CALN1: variants seen among roughly 807,000 people sequenced by gnomAD.
CALN1 encodes calcium-binding protein 8.
Under a neutral mutation model 30.6 loss-of-function variants are expected in CALN1, and 17 were observed. That is an observed-to-expected ratio of 0.56 (90% CI 0.38 to 0.83). The LOEUF (loss-of-function observed/expected upper bound fraction) is 0.83, where lower values mean the gene tolerates loss of function less well. Ranked by LOEUF, CALN1 falls within the 40% of genes least tolerant of loss-of-function variation. The pLI, the probability that CALN1 is intolerant of heterozygous loss-of-function variation, is 0.00. For missense variants in CALN1, 291 were observed against 354.9 expected (o/e 0.82, Z 1.45); for synonymous variants, 156 against 131.4 (o/e 1.19, Z -1.28).
chr7:72,321,725 G>C (rs1225730049), intron 2 of CALN1, among the ~76,000 whole-genome samples: 1 of 152,180 alleles, frequency 6.6e-6, no homozygotes, highest in African/African-American at 2.4e-5. Flanking sequence ...GGAGTCACAG[G>C]TGCCTTTAAC....
intron 6 of CALN1, among the ~76,000 whole-genome samples, chr7:71,801,428 G>GTATC (rs58500083): frequency 0.045 from 3,940 of 87,560 alleles, 163 homozygotes; most frequent in South Asian, 0.093. Flanking sequence ...ATGTATGTAT[G>GTATC]TATCTATCTA....
At chr7:72,078,894 A>G (rs1341697747) in intron 4 of CALN1, among the ~76,000 whole-genome samples, 1 of 152,138 alleles carries the variant, frequency 6.6e-6, no homozygotes, top group Non-Finnish European at 1.5e-5. Flanking sequence ...ACGCCATTGA[A>G]CTACAGCCTG....
chr7:71,986,426 A>C (rs1428708579), intron 5 of CALN1, among the ~76,000 whole-genome samples: 3 of 152,234 alleles, frequency 2.0e-5, no homozygotes, highest in African/African-American at 7.2e-5. Flanking sequence ...TTGCAGTCTT[A>C]CACCATTTAG....
intron 3 of CALN1, among the ~76,000 whole-genome samples, chr7:72,125,882 AACC>A (rs1398478037): frequency 6.8e-6 from 1 of 147,542 alleles, no homozygotes; most frequent in Admixed American, 7.0e-5. Flanking sequence ...GCTCACTGCA[AACC>A]ACCACCTCCC....
chr7:71,960,796 T>C (rs1476664520), intron 5 of CALN1, among the ~76,000 whole-genome samples: 2 of 152,178 alleles, frequency 1.3e-5, no homozygotes, highest in Non-Finnish European at 2.9e-5. Flanking sequence ...CTGGTCGTGA[T>C]ATTAAGACTT....
At chr7:72,159,097 C>T (rs1787921427) in intron 3 of CALN1, among the ~76,000 whole-genome samples, 2 of 152,040 alleles carry the variant, frequency 1.3e-5, no homozygotes, top group Admixed American at 1.3e-4. Flanking sequence ...AGATTTCCAC[C>T]CACCTCAACC....
intron 4 of CALN1, among the ~76,000 whole-genome samples, chr7:72,083,070 G>A (rs984087820): frequency 2.0e-5 from 3 of 151,742 alleles, no homozygotes; most frequent in African/African-American, 4.8e-5. Context: ...GTGTGGTGGC[G>A]GGCGCCTGTA....
chr7:72,031,769 ACTCGCT>A (rs1453080671), intron 4 of CALN1, among the ~76,000 whole-genome samples: 3 of 137,682 alleles, frequency 2.2e-5, no homozygotes, highest in African/African-American at 8.5e-5. Flanking sequence ...TGAGACAGAA[ACTCGCT>A]CTGTCATCCA....
At chr7:72,205,363 GC>G (rs1413522188) in intron 3 of CALN1, among the ~76,000 whole-genome samples, 1 of 150,500 alleles carries the variant, frequency 6.6e-6, no homozygotes, top group African/African-American at 2.4e-5. Context: ...ACCACACCTG[GC>G]TAATTTTTTG....
intron 5 of CALN1, among the ~76,000 whole-genome samples, chr7:71,972,760 C>T (rs571425377): frequency 2.0e-5 from 3 of 152,242 alleles, no homozygotes; most frequent in South Asian, 2.1e-4. Context: ...ATTGATGGGC[C>T]GTTAAGCTCC....
At chr7:72,201,179 A>T (rs1006548066) in intron 3 of CALN1, among the ~76,000 whole-genome samples, 1 of 152,230 alleles carries the variant, frequency 6.6e-6, no homozygotes, top group Non-Finnish European at 1.5e-5. Flanking sequence ...TCAGGAACAG[A>T]AAACCAAATG....
At chr7:72,329,269 C>G (rs1267515096) in intron 2 of CALN1, among the ~76,000 whole-genome samples, 1 of 152,196 alleles carries the variant, frequency 6.6e-6, no homozygotes, top group Non-Finnish European at 1.5e-5. Flanking sequence ...TACTGTTAAA[C>G]ACTACATTTT....
At chr7:72,262,322 C>G (rs554101878) in intron 3 of CALN1, among the ~76,000 whole-genome samples, 2 of 152,324 alleles carry the variant, frequency 1.3e-5, no homozygotes, top group African/African-American at 4.8e-5. Flanking sequence ...CATCGAAACC[C>G]AGGTCTTAGA....
chr7:72,405,076 T>C (rs1585676880), intron 1 of CALN1, among the ~76,000 whole-genome samples: 1 of 152,174 alleles, frequency 6.6e-6, no homozygotes, highest in Non-Finnish European at 1.5e-5. Context: ...CCCCAATGGT[T>C]GTGGGATGGA....
At chr7:71,860,939 C>A (rs184279427) in intron 5 of CALN1, among the ~76,000 whole-genome samples, 1 of 152,242 alleles carries the variant, frequency 6.6e-6, no homozygotes. Context: ...TCTCTGTGAT[C>A]AGGAGACCAA....
intron 3 of CALN1, among the ~76,000 whole-genome samples, chr7:72,175,363 T>C (rs1789276818): frequency 6.6e-6 from 1 of 152,064 alleles, no homozygotes; most frequent in South Asian, 2.1e-4. Flanking sequence ...GTGAGCCAAA[T>C]CATTTTTTAA....
At chr7:71,964,968 T>C (rs946247031) in intron 5 of CALN1, among the ~76,000 whole-genome samples, 7 of 152,170 alleles carry the variant, frequency 4.6e-5, no homozygotes, top group African/African-American at 1.7e-4. Flanking sequence ...TTTGAGTTAG[T>C]AGAGACCGTT....
Position 72,201,174 on chromosome 7 carries a change from A to G in CALN1, c.244+77512T>C, listed in dbSNP as rs139426718. 3.6e-3 allele frequency among the ~76,000 whole-genome samples: 552 copies of G among 152,328 alleles called. 6 individuals carry two copies. Among genetic ancestry groups the G allele is most frequent in the African/African-American group, 0.01 (430 of 41,576 alleles). ...ATTATCCTAAGTGAATTAACTCAGG[A>G]ACAGAAAACCAAATGCTGCATATTC... On this transcript the variant is annotated intron_variant, in intron 3 of 6. Coordinates refer to ENST00000395275, the MANE Select transcript of CALN1 (RefSeq NM_031468.4).
chr7:71,904,491 T>C (rs1239283383), intron 5 of CALN1, among the ~76,000 whole-genome samples: 3 of 152,050 alleles, frequency 2.0e-5, no homozygotes, highest in Non-Finnish European at 2.9e-5. Flanking sequence ...AATCTAAAAA[T>C]GTTTATCTCA....
Sources: allele counts gnomAD v4.1 joint callset (sites outside exome capture counted in the v4.1 genomes callset), GRCh38; gene constraint gnomAD v4.1.1; transcripts MANE v1.5; gene names NCBI Gene and HGNC (gene_info 2026-07-23, HGNC 2026-07-21).